Variants in LGR4 observed in about 807,000 individuals in gnomAD.
The protein encoded by LGR4 is leucine rich repeat containing G protein-coupled receptor 4, also known as leucine-rich repeat-containing G protein-coupled receptor 4.
Under a neutral mutation model 84.8 loss-of-function variants are expected in LGR4, and 44 were observed. The observed-to-expected ratio is 0.52, with a 90% confidence interval of 0.41 to 0.67. The LOEUF (loss-of-function observed/expected upper bound fraction) is 0.67, where lower values mean the gene tolerates loss of function less well. Ranked by LOEUF, LGR4 falls within the 30% of genes least tolerant of loss-of-function variation. The pLI, the probability that LGR4 is intolerant of heterozygous loss-of-function variation, is 0.00. For missense variants in LGR4, 1,032 were observed against 1,131.4 expected (o/e 0.91, Z 1.26); for synonymous variants, 429 against 434.3 (o/e 0.99, Z 0.15).
chr11:27,472,433 G>T lies in LGR4; in HGVS notation c.-131C>A. 3.2e-6 allele frequency: 2 copies of T among 624,918 alleles called. No homozygotes were observed. The highest frequency in any genetic ancestry group is 4.6e-6 in the Non-Finnish European group (2 of 438,648). 38.7% of individuals were successfully genotyped at this position (624,918 alleles called of 1,614,324 possible). A position where few individuals can be genotyped will look rare whatever the true frequency, so the allele number is the denominator to read the frequency against. On this transcript the variant is annotated 5_prime_UTR_variant, in exon 1 of 18. Coordinates refer to ENST00000379214, the MANE Select transcript of LGR4 (RefSeq NM_018490.5). Reference sequence around the variant, plus strand: ...GGGTCTCTTCCTCGGCGGTCCGCGCGGGCTCGGCCCCTTCAGCAGTCCGCC... The same window carrying T: ...GGGTCTCTTCCTCGGCGGTCCGCGCTGGCTCGGCCCCTTCAGCAGTCCGCC...
intron 1 of LGR4, among the ~76,000 whole-genome samples, chr11:27,415,589 T>TA (rs1863801341): frequency 2.0e-5 from 3 of 152,190 alleles, no homozygotes; most frequent in Admixed American, 6.6e-5. Context: ...GGTGAGTTTT[T>TA]ATTTCAAAGC....
chr11:27,397,809 C>G (rs780728926), intron 2 of LGR4, among the ~76,000 whole-genome samples: 4 of 152,184 alleles, frequency 2.6e-5, no homozygotes, highest in Non-Finnish European at 4.4e-5. Flanking sequence ...TAAAACAAGT[C>G]TAGCAGGATT....
At chr11:27,466,491 T>C (rs984714783) in intron 1 of LGR4, among the ~76,000 whole-genome samples, 2 of 152,202 alleles carry the variant, frequency 1.3e-5, no homozygotes, top group Non-Finnish European at 2.9e-5. Context: ...CTTTCCATTA[T>C]TATAAAGATG....
At position 27,383,024 on chromosome 11, in the gene LGR4, T is replaced by A. The variant is rs1276279119; in HGVS notation, c.690-768A>T. Among the ~76,000 whole-genome samples the A allele has an allele frequency of 7.9e-5, 12 of 151,568 alleles. No individual in the cohort carries two copies. In the East Asian group the frequency reaches 2.1e-3, roughly 27 times the overall value. ...AAGCGAGACTCTGTCTCAAAAAAAA[T>A]AAAAAATAAAAAAATAAAAAATAAT... On this transcript the variant is annotated intron_variant, in intron 6 of 17. Coordinates refer to ENST00000379214, the MANE Select transcript of LGR4 (RefSeq NM_018490.5).
chr11:27,430,745 A>C (rs1864101527), intron 1 of LGR4, among the ~76,000 whole-genome samples: 1 of 152,028 alleles, frequency 6.6e-6, no homozygotes, highest in Admixed American at 6.5e-5. Flanking sequence ...AATTTGACCT[A>C]CACATGGCAG....
intron 2 of LGR4, among the ~76,000 whole-genome samples, chr11:27,393,165 G>C (rs960692247): frequency 5.9e-5 from 9 of 152,090 alleles, no homozygotes; most frequent in Admixed American, 4.6e-4. Flanking sequence ...TAAGAAATCT[G>C]AGCACCCAAT....
At chr11:27,387,525 G>C (rs1270036437) in intron 4 of LGR4, among the ~76,000 whole-genome samples, 2 of 152,116 alleles carry the variant, frequency 1.3e-5, no homozygotes, top group Non-Finnish European at 2.9e-5. Context: ...TTAGGCAAAG[G>C]AAAGAGCCAC....
chr11:27,376,276 T>G (rs769950067), intron 13 of LGR4, 23 bp downstream of exon 13: 5 of 1,405,002 alleles, frequency 3.6e-6, no homozygotes, highest in African/African-American at 2.9e-5. Flanking sequence ...TTTATTGTCT[T>G]TAATAATCAT....
At position 27,435,933 on chromosome 11, in the gene LGR4, C is replaced by T. The variant is rs189718612; in HGVS notation, c.186-23073G>A. 3.5e-3 allele frequency among the ~76,000 whole-genome samples: 518 copies of T among 147,418 alleles called. 3 individuals are homozygous for T. The highest frequency in any genetic ancestry group is 0.012 in the African/African-American group (464 of 39,804). On this transcript the variant is annotated intron_variant, in intron 1 of 17. Coordinates refer to ENST00000379214, the MANE Select transcript of LGR4 (RefSeq NM_018490.5). ...GGAACTTCTTTTTTTTTTTTTGAGA[C>T]GGAGTCTCGCTCTGTCACCCAGGCT...
chr11:27,446,806 C>T (rs1362144657), intron 1 of LGR4, among the ~76,000 whole-genome samples: 1 of 151,992 alleles, frequency 6.6e-6, no homozygotes, highest in African/African-American at 2.4e-5. Context: ...CAATGATAGA[C>T]TGGATTAAGA....
At chr11:27,437,297 AT>A (rs575973670) in intron 1 of LGR4, among the ~76,000 whole-genome samples, 7,626 of 148,342 alleles carry the variant, frequency 0.051, 579 homozygotes, top group African/African-American at 0.17. Flanking sequence ...GTTTTGGCCA[AT>A]TTTTTTTTTT....
intron 1 of LGR4, among the ~76,000 whole-genome samples, chr11:27,435,647 C>A (rs915750962): frequency 6.6e-6 from 1 of 151,514 alleles, no homozygotes; most frequent in Non-Finnish European, 1.5e-5. Context: ...GCCACCACAC[C>A]CAGCTAATTT....
At chr11:27,418,546 CA>C (rs1377091280) in intron 1 of LGR4, among the ~76,000 whole-genome samples, 2 of 152,106 alleles carry the variant, frequency 1.3e-5, no homozygotes, top group Admixed American at 1.3e-4. Context: ...AAGAGGAATC[CA>C]AAACATGCTT....
chr11:27,472,081 C>A, intron 1 of LGR4, 37 bp downstream of exon 1: 64 of 676,418 alleles, frequency 9.5e-5, no homozygotes, highest in Non-Finnish European at 1.1e-4. Context: ...GGCCCCGTTT[C>A]CTCCCCCCCC....
At chr11:27,440,988 C>T (rs987173840) in intron 1 of LGR4, among the ~76,000 whole-genome samples, 4 of 152,006 alleles carry the variant, frequency 2.6e-5, no homozygotes, top group Admixed American at 2.0e-4. Flanking sequence ...CTTTTATGCT[C>T]GTGAAAGTAT....
intron 1 of LGR4, among the ~76,000 whole-genome samples, chr11:27,435,774 A>C (rs61887840): frequency 0.71 from 107,316 of 151,764 alleles, 38,024 homozygotes; most frequent in South Asian, 0.83. Flanking sequence ...AGGTATAAGC[A>C]ACTGTGCCCA....
intron 1 of LGR4, among the ~76,000 whole-genome samples, chr11:27,463,067 C>CAA (rs35718980): frequency 0.047 from 2,390 of 51,034 alleles, 355 homozygotes; most frequent in East Asian, 0.12. Context: ...ACCCTGTCTC[C>CAA]AAAAAAAAAA....
At chr11:27,393,703 C>T (rs1362153077) in intron 2 of LGR4, among the ~76,000 whole-genome samples, 2 of 151,998 alleles carry the variant, frequency 1.3e-5, no homozygotes, top group African/African-American at 4.8e-5. Context: ...GTGCCAGACA[C>T]ACAACATCTT....
Position 27,367,896 on chromosome 11 carries a change from C to G in LGR4, c.2827G>C (p.Ala943Pro), listed in dbSNP as rs769886057. ...QSRGFPLVRYAYNLPRVKD is the reference protein window; with the variant it reads ...QSRGFPLVRYPYNLPRVKD The stretch of plus-strand genomic sequence containing the variant: ...TCTTTAACTCTTGGTAGATTGTAAG[C>G]ATAGCGCACCAAAGGGAATCCTCTA... Residue 943 changes from alanine to proline, a missense_variant, in exon 18 of 18, where the codon GCT (alanine) becomes CCT (proline). By Grantham distance (27) the Ala-to-Pro change is conservative. Transcript: ENST00000379214. The G allele has an allele frequency of 6.2e-7, 1 of 1,601,158 alleles. No individual in the cohort carries two copies. The highest frequency in any genetic ancestry group is 8.5e-7 in the Non-Finnish European group (1 of 1,176,484).
Sources: gnomAD v4.1 joint callset for allele counts (sites outside exome capture counted in the v4.1 genomes callset) on GRCh38, gnomAD v4.1.1 for gene constraint, MANE v1.5 for transcripts, NCBI Gene and HGNC (gene_info 2026-07-23, HGNC 2026-07-21) for gene names.